Variants in KCNQ1OT1 observed in about 807,000 individuals in gnomAD.
KCNQ1OT1 encodes the protein KCNQ1 antisense RNA 2 (non-protein coding).
chr11:2,666,954 A>C (rs1375276836), exon 1 of KCNQ1OT1: 2 of 398,616 alleles, frequency 5.0e-6, no homozygotes, highest in Non-Finnish European at 8.8e-6. Flanking sequence ...ACGAGATGCC[A>C]AGGAAGCCCT....
chr11:2,666,472 C>G, exon 1 of KCNQ1OT1: 1 of 398,686 alleles, frequency 2.5e-6, no homozygotes. Flanking sequence ...CAGAATCTCA[C>G]GCCAAGACAT....
chr11:2,691,233 A>C lies in KCNQ1OT1; in HGVS notation n.8762T>G. ...CAAGTGGAGGAGTTAGAGGATCTGCAGTTAACCCCTTGAGTCTCGGAAGGC... is the reference window on the plus strand; with the variant it reads ...CAAGTGGAGGAGTTAGAGGATCTGCCGTTAACCCCTTGAGTCTCGGAAGGC... On this transcript the variant is annotated non_coding_transcript_exon_variant, in exon 1 of 1. Coordinates refer to ENST00000597346, the Ensembl canonical transcript of KCNQ1OT1. This position sits in a 1 kb window ranked among gnomAD's most constrained non-coding sequence, Gnocchi z 6.4. The C allele has an allele frequency of 2.5e-6, 1 of 398,644 alleles. No homozygotes were observed. The highest frequency in any genetic ancestry group is 4.4e-6 in the Non-Finnish European group (1 of 226,084). The allele number at this position is 398,644 out of a possible 1,614,324, so 24.7% of individuals were successfully genotyped here. A position where few individuals can be genotyped will look rare whatever the true frequency, so the allele number is the denominator to read the frequency against.
In KCNQ1OT1 at chr11:2,691,243, T is replaced by G. The variant is rs1850583115; in HGVS notation, n.8752A>C. The G allele has an allele frequency of 2.5e-6, 1 of 398,610 alleles. No individual in the cohort carries two copies. The highest frequency in any genetic ancestry group is 4.4e-6 in the Non-Finnish European group (1 of 226,092). 24.7% of individuals were successfully genotyped at this position (398,610 alleles called of 1,614,324 possible). A position where few individuals can be genotyped will look rare whatever the true frequency, so the allele number is the denominator to read the frequency against. ...AGTTAGAGGATCTGCAGTTAACCCC[T>G]TGAGTCTCGGAAGGCTGTTTGAGCC... On this transcript the variant is annotated non_coding_transcript_exon_variant, in exon 1 of 1. Transcript: ENST00000597346. The surrounding 1 kb of genome is among the most constrained non-coding windows in gnomAD (Gnocchi z 6.4).
At chr11:2,648,051 C>CA (rs34011245) in exon 1 of KCNQ1OT1, 48,303 of 361,916 alleles carry the variant, frequency 0.13, 994 homozygotes, top group South Asian at 0.18. Context: ...CCATCTCTAC[C>CA]AAAAAAAAAA....
rs977577944 is a variant in KCNQ1OT1 at position 2,695,491 on chromosome 11, C to T, written n.4504G>A. The T allele has an allele frequency of 5.0e-6, 2 of 398,546 alleles. No homozygotes were observed. Among genetic ancestry groups the T allele is most frequent in the African/African-American group, 2.1e-5 (1 of 48,600 alleles). 24.7% of individuals were successfully genotyped at this position (398,546 alleles called of 1,614,324 possible). A position where few individuals can be genotyped will look rare whatever the true frequency, so the allele number is the denominator to read the frequency against. On this transcript the variant is annotated non_coding_transcript_exon_variant, in exon 1 of 1. Transcript: ENST00000597346. The surrounding 1 kb of genome is among the most constrained non-coding windows in gnomAD (Gnocchi z 5.2). ...ACGCGTCTCTATCTTGTGAAGTGTA[C>T]ATCTAGTCCCCTGCTCCTAACCACA...
rs1168995329 is a variant in KCNQ1OT1, at chr11:2,682,289, T to A, written n.17706A>T. 2 of 398,434 alleles carry A rather than the reference T, an allele frequency of 5.0e-6. No homozygotes were observed. Among genetic ancestry groups the A allele is most frequent in the Non-Finnish European group, 8.8e-6 (2 of 226,072 alleles). 24.7% of individuals were successfully genotyped at this position (398,434 alleles called of 1,614,324 possible). A position where few individuals can be genotyped will look rare whatever the true frequency, so the allele number is the denominator to read the frequency against. On this transcript the variant is annotated non_coding_transcript_exon_variant, in exon 1 of 1. Transcript: ENST00000597346. This position sits in a 1 kb window ranked among gnomAD's most constrained non-coding sequence, Gnocchi z 5.8. ...AAGCTTAAGACTGGGCTGTAAAAAA[T>A]CACATACCTCCCCTCCCATTCTTAA...
exon 1 of KCNQ1OT1, chr11:2,640,335 C>G (rs147288360): frequency 2.5e-6 from 1 of 398,486 alleles, no homozygotes; most frequent in Middle Eastern, 6.3e-4. Flanking sequence ...TCCTCCTATT[C>G]GGCCATCTTG....
chr11:2,654,097 C>G lies in KCNQ1OT1; in HGVS notation n.45898G>C, dbSNP rs1339831327. 6 of 398,666 alleles carry G rather than the reference C, an allele frequency of 1.5e-5. No homozygotes were observed. Among genetic ancestry groups the G allele is most frequent in the Non-Finnish European group, 2.7e-5 (6 of 226,170 alleles). 24.7% of individuals were successfully genotyped at this position (398,666 alleles called of 1,614,324 possible). On this transcript the variant is annotated non_coding_transcript_exon_variant, in exon 1 of 1. Coordinates refer to ENST00000597346, the Ensembl canonical transcript of KCNQ1OT1. The surrounding 1 kb of genome is among the most constrained non-coding windows in gnomAD (Gnocchi z 6.4). The stretch of plus-strand genomic sequence containing the variant: ...TTCCATCCATGTCCCTTACTTCTCG[C>G]CTCTGAGTGGAGACACAGGTGGTGG...
chr11:2,625,442 A>G, exon 1 of KCNQ1OT1: 1 of 398,530 alleles, frequency 2.5e-6, no homozygotes, highest in Non-Finnish European at 4.4e-6. Flanking sequence ...TTTTTTTAAT[A>G]GTAGTCATCT....
exon 1 of KCNQ1OT1, chr11:2,649,809 A>G: frequency 2.5e-6 from 1 of 398,250 alleles, no homozygotes; most frequent in Non-Finnish European, 4.4e-6. Context: ...GGGATTTGTG[A>G]GCTTCCTTTA....
rs1029401529 is a variant in KCNQ1OT1 at position 2,647,051 on chromosome 11, C to A, written n.52944G>T. 4 of 398,426 alleles carry A rather than the reference C, an allele frequency of 1.0e-5. No homozygotes were observed. The highest frequency in any genetic ancestry group is 1.8e-5 in the Non-Finnish European group (4 of 226,038). The allele number at this position is 398,426 out of a possible 1,614,324, so 24.7% of individuals were successfully genotyped here. ...AATAAGAATAGTGAAAGTGGGCATC[C>A]TTGTCTTGTTCTAGTTCTAAGAGAG... On this transcript the variant is annotated non_coding_transcript_exon_variant, in exon 1 of 1. Transcript: ENST00000597346. The surrounding 1 kb of genome is among the most constrained non-coding windows in gnomAD (Gnocchi z 4.0).
exon 1 of KCNQ1OT1, chr11:2,667,329 G>A (rs928364762): frequency 2.0e-5 from 8 of 398,538 alleles, no homozygotes; most frequent in African/African-American, 1.2e-4. Flanking sequence ...GAAGAAAGCA[G>A]TGAGGCTTCT....
chr11:2,693,429 A>T, exon 1 of KCNQ1OT1: 3 of 398,682 alleles, frequency 7.5e-6, no homozygotes, highest in Non-Finnish European at 1.3e-5. Flanking sequence ...TTGTTTTGCC[A>T]GGCGCTGGCC....
chr11:2,692,387 C>T lies in KCNQ1OT1; in HGVS notation n.7608G>A, dbSNP rs2283192. ...ACTGGCATTCTCACATCCCCTGCCC[C>T]ATTCCAATCAATTATCTACTCAGTG... On this transcript the variant is annotated non_coding_transcript_exon_variant, in exon 1 of 1. Coordinates refer to ENST00000597346, the Ensembl canonical transcript of KCNQ1OT1. The T allele has an allele frequency of 1.8e-3, 702 of 398,844 alleles. 12 individuals carry two copies. In the East Asian group the frequency reaches 0.024, roughly 14 times the overall value. The allele number at this position is 398,844 out of a possible 1,614,324, so 24.7% of individuals were successfully genotyped here.
At chr11:2,622,970 G>A in exon 1 of KCNQ1OT1, 1 of 398,620 alleles carries the variant, frequency 2.5e-6, no homozygotes, top group African/African-American at 2.1e-5. Flanking sequence ...TGTTGATATG[G>A]TTTGGCTCTG....
chr11:2,634,116 G>A (rs954555529), exon 1 of KCNQ1OT1: 89 of 391,588 alleles, frequency 2.3e-4, no homozygotes, highest in African/African-American at 1.7e-3. Flanking sequence ...TTGCTATTTC[G>A]GTGAAGATTG....
chr11:2,671,545 T>C lies in KCNQ1OT1; in HGVS notation n.28450A>G. On this transcript the variant is annotated non_coding_transcript_exon_variant, in exon 1 of 1. Coordinates refer to ENST00000597346, the Ensembl canonical transcript of KCNQ1OT1. This position sits in a 1 kb window ranked among gnomAD's most constrained non-coding sequence, Gnocchi z 4.7. ...TTCAAAGGTTAATTTTGACTCTGCC[T>C]GACTTATCTCCTAAGTCTTTGGCAC... 2.5e-6 allele frequency: 1 copy of C among 398,670 alleles called. No homozygotes were observed. Among genetic ancestry groups the C allele is most frequent in the Non-Finnish European group, 4.4e-6 (1 of 226,080 alleles). The allele number at this position is 398,670 out of a possible 1,614,324, so 24.7% of individuals were successfully genotyped here.
rs1849889119 is a variant in KCNQ1OT1 at position 2,658,380 on chromosome 11, T to C, written n.41615A>G. 1 of 398,582 alleles carries C rather than the reference T, an allele frequency of 2.5e-6. No individual in the cohort carries two copies. The highest frequency in any genetic ancestry group is 3.6e-5 in the East Asian group (1 of 28,084). 24.7% of individuals were successfully genotyped at this position (398,582 alleles called of 1,614,324 possible). A position where few individuals can be genotyped will look rare whatever the true frequency, so the allele number is the denominator to read the frequency against. The stretch of plus-strand genomic sequence containing the variant: ...GATTTGGGAGTATTTATTTTTTGAG[T>C]TATAGTCCAATATTATTTATTTTGT... On this transcript the variant is annotated non_coding_transcript_exon_variant, in exon 1 of 1. Coordinates refer to ENST00000597346, the Ensembl canonical transcript of KCNQ1OT1. The surrounding 1 kb of genome is among the most constrained non-coding windows in gnomAD (Gnocchi z 4.9).
chr11:2,685,263 C>T (rs948967701), exon 1 of KCNQ1OT1: 75 of 398,698 alleles, frequency 1.9e-4, no homozygotes, highest in African/African-American at 1.4e-3. Context: ...CCAGGGCACA[C>T]GTGCCACTGT....
Sources: allele counts gnomAD v4.1 joint callset, GRCh38; gene constraint gnomAD v4.1.1; non-coding constraint Gnocchi (gnomAD v3.1); transcripts MANE v1.5; gene names NCBI Gene and HGNC (gene_info 2026-07-23, HGNC 2026-07-21).